DMXL1: variants seen among roughly 807,000 people sequenced by gnomAD.
The protein encoded by DMXL1 is dmX-like protein 1.
Under a neutral mutation model 319.2 loss-of-function variants are expected in DMXL1, and 99 were observed. The ratio of observed to expected loss-of-function variants is 0.31; its 90% CI spans 0.26 to 0.37. The LOEUF (loss-of-function observed/expected upper bound fraction) is 0.37. DMXL1 is among the 10% of genes least tolerant of loss of function. The pLI is 1.00. For missense variants in DMXL1, 3,745 were observed against 3,595.6 expected (o/e 1.04, Z -1.06); for synonymous variants, 1,385 against 1,235.2 (o/e 1.12, Z -2.54).
intron 1 of DMXL1, chr5:119,081,593 G>C: frequency 1.0e-6 from 1 of 985,370 alleles, no homozygotes; most frequent in Non-Finnish European, 1.2e-6. Context: ...GAACTCCTAA[G>C]TGTTGGATGC....
rs752154804 is a variant in DMXL1, at chr5:119,244,314, C to A, written c.8705-45C>A. ...TTAGCCAAAAGCCAGAAGTCTATTT[C>A]TTTTATTGTTAAGTGTTTTTGTTTT... On this transcript the variant is annotated intron_variant, in intron 42 of 43. Coordinates refer to ENST00000539542, the MANE Select transcript of DMXL1 (RefSeq NM_001290321.3). 6 of 1,481,872 alleles carry A rather than the reference C, an allele frequency of 4.0e-6. No homozygotes were observed. The Admixed American group carries it at 6.3e-5, about 16-fold the overall frequency. 91.8% of individuals were successfully genotyped at this position (1,481,872 alleles called of 1,614,324 possible).
chr5:119,123,616 G>T (rs1043795662), intron 9 of DMXL1, among the ~76,000 whole-genome samples: 3 of 152,046 alleles, frequency 2.0e-5, no homozygotes, highest in Non-Finnish European at 2.9e-5. Context: ...TATTTGAACT[G>T]TTACTTAATA....
chr5:119,121,244 C>G, intron 9 of DMXL1, 105 bp downstream of exon 9: 1 of 845,988 alleles, frequency 1.2e-6, no homozygotes, highest in East Asian at 3.1e-5. Flanking sequence ...TTGGAGGTGA[C>G]TGTCTTAGCC....
chr5:119,232,440 A>ATACC (rs1318079451), intron 38 of DMXL1, among the ~76,000 whole-genome samples: 1 of 152,124 alleles, frequency 6.6e-6, no homozygotes, highest in Non-Finnish European at 1.5e-5. Flanking sequence ...TACTACCTCC[A>ATACC]TACCACATTA....
intron 13 of DMXL1, among the ~76,000 whole-genome samples, chr5:119,137,523 C>T (rs1373148317): frequency 6.6e-6 from 1 of 152,136 alleles, no homozygotes; most frequent in African/African-American, 2.4e-5. Flanking sequence ...GCTGTGTGCT[C>T]ACCCAAATCT....
chr5:119,203,430 A>C lies in DMXL1; in HGVS notation c.7857A>C (p.Leu2619=). ...IKNIFTKKRC[L]NESLEDNSET... ...ATATATTCACAAAGAAACGGTGTCTAAATGAGGTCTGTATAAGTTAAAACC... is the reference window on the plus strand; with the variant it reads ...ATATATTCACAAAGAAACGGTGTCTCAATGAGGTCTGTATAAGTTAAAACC... Residue 2619 remains leucine (L), a synonymous_variant, in exon 33 of 44, where the codon CTA becomes CTC. Coordinates refer to ENST00000539542, the MANE Select transcript of DMXL1 (RefSeq NM_001290321.3). 1 of 1,579,860 alleles carries C rather than the reference A, an allele frequency of 6.3e-7. No homozygotes were observed. Among genetic ancestry groups the C allele is most frequent in the Non-Finnish European group, 8.6e-7 (1 of 1,156,174 alleles).
chr5:119,133,773 G>C lies in DMXL1; in HGVS notation c.1849G>C (p.Glu617Gln), dbSNP rs146704342. The C allele has an allele frequency of 1.9e-6, 3 of 1,614,008 alleles. No homozygotes were observed. Among genetic ancestry groups the C allele is most frequent in the East Asian group, 2.2e-5 (1 of 44,894 alleles). The change falls in exon 12 of 44, where the codon GAG (glutamate) becomes CAG (glutamine). Residue 617 changes from glutamate to glutamine, a missense_variant. Physicochemically the swap from Glu to Gln is conservative, Grantham distance 29. Coordinates refer to ENST00000539542, the MANE Select transcript of DMXL1 (RefSeq NM_001290321.3). ...SLNQWLVSFAEESAFSTVLSI... is the reference protein window; with the variant it reads ...SLNQWLVSFAQESAFSTVLSI... ...GAATCAGTGGCTGGTCAGTTTTGCCGAGGAATCTGCTTTTTCTACTGTTCT... is the reference window on the plus strand; with the variant it reads ...GAATCAGTGGCTGGTCAGTTTTGCCCAGGAATCTGCTTTTTCTACTGTTCT...
At chr5:119,148,508 T>G (rs945971109) in intron 17 of DMXL1, among the ~76,000 whole-genome samples, 1 of 152,166 alleles carries the variant, frequency 6.6e-6, no homozygotes, top group Non-Finnish European at 1.5e-5. Flanking sequence ...TCTTTTTATA[T>G]ACCTTTCTGA....
rs188499981 is a variant in DMXL1 at position 119,198,739 on chromosome 5, C to T, written c.7745+783C>T. On this transcript the variant is annotated intron_variant, in intron 32 of 43. Coordinates refer to ENST00000539542, the MANE Select transcript of DMXL1 (RefSeq NM_001290321.3). ...GACTTCAAACTGTACTACAAAGCAACAGTAACCAAAACAGCATGGTACTGG... is the reference window on the plus strand; with the variant it reads ...GACTTCAAACTGTACTACAAAGCAATAGTAACCAAAACAGCATGGTACTGG... Among the ~76,000 whole-genome samples the T allele has an allele frequency of 1.4e-4, 22 of 152,302 alleles. No homozygotes were observed. The East Asian group carries it at 4.0e-3, about 28-fold the overall frequency.
intron 1 of DMXL1, among the ~76,000 whole-genome samples, chr5:119,096,070 T>G (rs1755882366): frequency 6.6e-6 from 1 of 152,210 alleles, no homozygotes; most frequent in East Asian, 1.9e-4. Flanking sequence ...CTTTTCCATA[T>G]AGCACATTCA....
chr5:119,123,558 G>A (rs972824843), intron 9 of DMXL1, among the ~76,000 whole-genome samples: 5 of 152,144 alleles, frequency 3.3e-5, no homozygotes, highest in African/African-American at 1.2e-4. Flanking sequence ...TGTGATTTAG[G>A]ATCTTGATAA....
At chr5:119,199,497 GCT>G (rs1251273209) in intron 32 of DMXL1, among the ~76,000 whole-genome samples, 1 of 152,038 alleles carries the variant, frequency 6.6e-6, no homozygotes, top group Non-Finnish European at 1.5e-5. Context: ...CCATTTCTTT[GCT>G]ATTGTGAATA....
chr5:119,094,891 G>A (rs1266515445), intron 1 of DMXL1, among the ~76,000 whole-genome samples: 1 of 149,512 alleles, frequency 6.7e-6, no homozygotes, highest in African/African-American at 2.5e-5. Flanking sequence ...TTTAGACAAG[G>A]TCTCACTCTG....
chr5:119,082,020 T>TATATACAC (rs1200957102), intron 1 of DMXL1, among the ~76,000 whole-genome samples: 3,222 of 108,014 alleles, frequency 0.03, 74 homozygotes, highest in Non-Finnish European at 0.043. Context: ...TATATATATA[T>TATATACAC]ACACACACAC....
chr5:119,245,897 TAA>T (rs59524263), intron 43 of DMXL1, among the ~76,000 whole-genome samples: 41 of 144,464 alleles, frequency 2.8e-4, no homozygotes, highest in African/African-American at 7.5e-4. Context: ...TAATCAAGGT[TAA>T]AAAAAAAAAA....
At chr5:119,071,719 CTTGGCCCAGAACGACGGGCAGAGG>C (rs1048826891) in intron 1 of DMXL1, 63 bp downstream of exon 1, 1 of 1,457,876 alleles carries the variant, frequency 6.9e-7, no homozygotes. Context: ...CTGGGCCGAG[CTTGGCCCAGAACGACGGGCAGAGG>C]CGCGAGGTCT....
At chr5:119,222,536 AC>A (rs1414855952) in intron 37 of DMXL1, among the ~76,000 whole-genome samples, 3 of 152,212 alleles carry the variant, frequency 2.0e-5, no homozygotes, top group African/African-American at 7.2e-5. Context: ...ACTAATAGGC[AC>A]TTTTTTGAAT....
chr5:119,164,526 T>G lies in DMXL1; in HGVS notation c.4722T>G (p.Phe1574Leu). ...CTTCAGGCCTGTCTACAAGTCATTT[T>G]GCTTGGGCATTTCACTCAGTAGCAG... is the stretch of plus-strand genomic sequence containing the variant. ...LLHQGLSTSH[F>L]AWAFHSVAEE... is the part of the protein sequence containing the mutation. Residue 1574 changes from phenylalanine to leucine, a missense_variant, in exon 20 of 44, where the codon TTT (phenylalanine) becomes TTG (leucine). Physicochemically the swap from Phe to Leu is conservative, Grantham distance 22. Around this residue, in one of 4 missense-constraint regions of DMXL1, gnomAD observed 2,096 missense variants for 1,985.4 expected, o/e 1.06. Transcript: ENST00000539542. 1 of 1,614,068 alleles carries G rather than the reference T, an allele frequency of 6.2e-7. No individual in the cohort carries two copies. The highest frequency in any genetic ancestry group is 1.1e-5 in the South Asian group (1 of 91,052).
rs1758925046 is a variant in DMXL1 at position 119,108,825 on chromosome 5, G to A, written c.365-1326G>A. On this transcript the variant is annotated intron_variant, in intron 4 of 43. Transcript: ENST00000539542. ...TTTTTTTTCCTTTTTTTTTGAGGTG[G>A]TGTTTCGCTCTTGTTGCTCAGGCTG... 2.6e-5 allele frequency among the ~76,000 whole-genome samples: 4 copies of A among 151,756 alleles called. No individual in the cohort carries two copies. In the South Asian group the frequency reaches 8.3e-4, roughly 32 times the overall value.
Sources: gnomAD v4.1 joint callset for allele counts (sites outside exome capture counted in the v4.1 genomes callset) on GRCh38, gnomAD v4.1.1 for gene constraint, gnomAD v4.1.1 regional missense constraint, MANE v1.5 for transcripts, NCBI Gene and HGNC (gene_info 2026-07-23, HGNC 2026-07-21) for gene names.